FAM222A: variants seen among roughly 807,000 people sequenced by gnomAD.
FAM222A encodes the protein family with sequence similarity 222 member A.
FAM222A carries 7 observed loss-of-function variants against 25.8 expected under a neutral mutation model. That is an observed-to-expected ratio of 0.27 (90% confidence interval 0.15 to 0.51). The LOEUF (loss-of-function observed/expected upper bound fraction) is 0.51, where lower values mean the gene tolerates loss of function less well. FAM222A is among the 20% of genes least tolerant of loss of function. The probability of loss-of-function intolerance (pLI) is 0.97; values close to 1 mark genes in which losing one functional copy is unlikely to be tolerated. For missense variants in FAM222A, 573 were observed against 640.5 expected (o/e 0.89, Z 1.14); for synonymous variants, 294 against 298.8 (o/e 0.98, Z 0.17).
At chr12:109,762,871 C>CA (rs151272511) in intron 2 of FAM222A, among the ~76,000 whole-genome samples, 1,951 of 152,356 alleles carry the variant, frequency 0.013, 44 homozygotes, top group African/African-American at 0.044. Context: ...AGGCTTCAGA[C>CA]AGGGACTCCA....
In FAM222A at chr12:109,769,053, G is replaced by A. The variant is rs1889161291; in HGVS notation, c.1124G>A (p.Gly375Glu). ...GTGGTGGTCACGGAGCTGGGGCCGG[G>A]GGCAGCCCGGGAGCTGGCTGGGCCC... ...AAVVVTELGP[G>E]AARELAGPPA... The change falls in exon 3 of 3, where the codon GGG becomes GAG. Residue 375 changes from glycine to glutamate, a missense_variant. Around this residue, in one of 3 missense-constraint regions of FAM222A, gnomAD observed 412 missense variants for 407.0 expected, o/e 1.01. Transcript: ENST00000538780. 2.5e-6 allele frequency: 4 copies of A among 1,590,208 alleles called. No homozygotes were observed. Among genetic ancestry groups the A allele is most frequent in the Non-Finnish European group, 3.4e-6 (4 of 1,169,500 alleles).
Position 109,746,446 on chromosome 12 carries a change from G to A in FAM222A, c.82+2218G>A, listed in dbSNP as rs532991943. On this transcript the variant is annotated intron_variant, in intron 2 of 2. Coordinates refer to ENST00000538780, the MANE Select transcript of FAM222A (RefSeq NM_032829.3). ...AGAGGTTGCAGTAAGCCAAGATAGC[G>A]CCACTGCACTCCAGCCTGGGCAACA... Among the ~76,000 whole-genome samples, 14 of 151,950 alleles carry A rather than the reference G, an allele frequency of 9.2e-5. No individual in the cohort carries two copies. In the East Asian group the frequency reaches 1.7e-3, roughly 19 times the overall value.
At position 109,726,087 on chromosome 12, in the gene FAM222A, A is replaced by G. The variant is rs1592779127; in HGVS notation, c.-47+11190A>G. Among the ~76,000 whole-genome samples the G allele has an allele frequency of 5.3e-5, 8 of 149,624 alleles. 1 individual carries two copies. The highest frequency in any genetic ancestry group is 1.7e-4 in the African/African-American group (7 of 40,450). ...CCGTTCTCTGTAGGCTGTGTGACCC[A>G]CAAGCTAAGCTGGGAAACAAGAAAA... On this transcript the variant is annotated intron_variant, in intron 1 of 2. Coordinates refer to ENST00000538780, the MANE Select transcript of FAM222A (RefSeq NM_032829.3).
intron 1 of FAM222A, among the ~76,000 whole-genome samples, chr12:109,731,748 G>C (rs1461473438): frequency 6.6e-6 from 1 of 152,140 alleles, no homozygotes; most frequent in Non-Finnish European, 1.5e-5. Context: ...AGGGTCTCTG[G>C]GGCCCGTGTG....
At chr12:109,748,520 G>A (rs1888471474) in intron 2 of FAM222A, among the ~76,000 whole-genome samples, 2 of 152,070 alleles carry the variant, frequency 1.3e-5, no homozygotes, top group East Asian at 1.9e-4. Context: ...TATTTGGGGT[G>A]AGTGGGTAGC....
At chr12:109,744,254 T>A (rs779772140) in intron 2 of FAM222A, 26 bp downstream of exon 2, 1 of 1,604,396 alleles carries the variant, frequency 6.2e-7, no homozygotes, top group South Asian at 1.1e-5. Context: ...CCCCAGCCTT[T>A]GCAGGGCAGG....
intron 2 of FAM222A, among the ~76,000 whole-genome samples, chr12:109,763,652 G>A (rs2136382931): frequency 6.6e-6 from 1 of 152,346 alleles, no homozygotes; most frequent in African/African-American, 2.4e-5. Flanking sequence ...AGCGAGTGAG[G>A]AGGAAGCCAC....
chr12:109,743,437 A>G (rs1396252046), intron 1 of FAM222A, among the ~76,000 whole-genome samples: 1 of 151,764 alleles, frequency 6.6e-6, no homozygotes, highest in Non-Finnish European at 1.5e-5. Context: ...TGCCCTTCCC[A>G]TTCAGGGTAA....
At position 109,744,261 on chromosome 12, in the gene FAM222A, C is replaced by A. The variant is rs529592801; in HGVS notation, c.82+33C>A. The A allele has an allele frequency of 1.9e-5, 30 of 1,596,870 alleles. No homozygotes were observed. The East Asian group carries it at 6.8e-4, about 36-fold the overall frequency. On this transcript the variant is annotated intron_variant, in intron 2 of 2. Coordinates refer to ENST00000538780, the MANE Select transcript of FAM222A (RefSeq NM_032829.3). ...GGACGCCTCCCCAGCCTTTGCAGGGCAGGTCGTGGGCAGAGAACGCCATTC... is the reference window on the plus strand; with the variant it reads ...GGACGCCTCCCCAGCCTTTGCAGGGAAGGTCGTGGGCAGAGAACGCCATTC...
At chr12:109,760,052 A>G (rs564674075) in intron 2 of FAM222A, among the ~76,000 whole-genome samples, 1 of 152,264 alleles carries the variant, frequency 6.6e-6, no homozygotes, top group East Asian at 1.9e-4. Flanking sequence ...AGGGGTATGT[A>G]GGCAACCCCT....
rs972071030 is a variant in FAM222A, at chr12:109,769,061, C to T, written c.1132C>T (p.Arg378Trp). ...VVTELGPGAA[R>W]ELAGPPADAL... ...CACGGAGCTGGGGCCGGGGGCAGCC[C>T]GGGAGCTGGCTGGGCCCCCTGCAGA... The change falls in exon 3 of 3, where the codon CGG (arginine) becomes TGG (tryptophan). Residue 378 changes from arginine to tryptophan, a missense_variant. Arg to Trp is a moderately radical substitution (Grantham distance 101, BLOSUM62 -3). Coordinates refer to ENST00000538780, the MANE Select transcript of FAM222A (RefSeq NM_032829.3). 8 of 1,593,846 alleles carry T rather than the reference C, an allele frequency of 5.0e-6. No individual in the cohort carries two copies. The highest frequency in any genetic ancestry group is 2.3e-5 in the East Asian group (1 of 43,922).
chr12:109,759,982 G>A (rs1888846774), intron 2 of FAM222A, among the ~76,000 whole-genome samples: 2 of 152,098 alleles, frequency 1.3e-5, no homozygotes, highest in South Asian at 4.1e-4. Flanking sequence ...GGCACGTCAG[G>A]GGCTGCCTGG....
chr12:109,730,398 C>T (rs1887924178), intron 1 of FAM222A, among the ~76,000 whole-genome samples: 1 of 50,854 alleles, frequency 2.0e-5, no homozygotes, highest in South Asian at 7.2e-4. Context: ...TGGCACCTGC[C>T]TGGGGGGCGG....
chr12:109,754,753 G>A (rs929066663), intron 2 of FAM222A, among the ~76,000 whole-genome samples: 7 of 151,112 alleles, frequency 4.6e-5, no homozygotes, highest in Non-Finnish European at 8.8e-5. Flanking sequence ...CTACAGCCTC[G>A]ACCTCCTGGG....
intron 1 of FAM222A, among the ~76,000 whole-genome samples, chr12:109,739,722 G>A (rs758609035): frequency 2.3e-4 from 35 of 152,076 alleles, no homozygotes; most frequent in Admixed American, 1.3e-3. Flanking sequence ...GAGGGCTGAC[G>A]GGCCCCCAAC....
intron 1 of FAM222A, among the ~76,000 whole-genome samples, chr12:109,729,198 G>GA (rs1249192638): frequency 6.6e-6 from 1 of 151,588 alleles, no homozygotes; most frequent in Non-Finnish European, 1.5e-5. Flanking sequence ...TCCCCCAAGA[G>GA]AAAGCAGACA....
chr12:109,748,334 C>CTTTTT (rs61492433), intron 2 of FAM222A, among the ~76,000 whole-genome samples: 49 of 81,606 alleles, frequency 6.0e-4, no homozygotes, highest in East Asian at 9.8e-4. Flanking sequence ...GGTTTTCTTT[C>CTTTTT]TTTTTTTTTT....
intron 1 of FAM222A, among the ~76,000 whole-genome samples, chr12:109,736,947 C>G (rs1191804493): frequency 2.0e-5 from 3 of 152,164 alleles, no homozygotes; most frequent in African/African-American, 7.2e-5. Context: ...CTTGCCCATC[C>G]TTTGTTCAGG....
At chr12:109,730,374 C>T (rs1404376881) in intron 1 of FAM222A, among the ~76,000 whole-genome samples, 1 of 141,666 alleles carries the variant, frequency 7.1e-6, no homozygotes, top group East Asian at 2.1e-4. Flanking sequence ...TGGCTGCCTA[C>T]AAGGTACTAC....
Sources: allele counts gnomAD v4.1 joint callset (sites outside exome capture counted in the v4.1 genomes callset), GRCh38; gene constraint gnomAD v4.1.1; regional missense constraint gnomAD v4.1.1; transcripts MANE v1.5; gene names NCBI Gene and HGNC (gene_info 2026-07-23, HGNC 2026-07-21).